HSPA4L: variants seen among roughly 807,000 people sequenced by gnomAD.
The protein encoded by HSPA4L is heat shock protein family A (Hsp70) member 4 like.
A neutral mutation model predicts 100.3 loss-of-function variants in HSPA4L; 48 were observed. That is an observed-to-expected ratio of 0.48 (90% CI 0.38 to 0.61). The LOEUF (loss-of-function observed/expected upper bound fraction) is 0.61, where lower values mean the gene tolerates loss of function less well. HSPA4L is among the 20% of genes least tolerant of loss of function. HSPA4L has a pLI of 0.00. For missense variants in HSPA4L, 886 were observed against 988.6 expected, an observed-to-expected ratio of 0.90 and a Z score of 1.39; for synonymous variants, 319 against 328.2, an observed-to-expected ratio of 0.97 and a Z score of 0.30.
At chr4:127,788,975 A>T (rs1295627979) in intron 1 of HSPA4L, among the ~76,000 whole-genome samples, 3 of 152,210 alleles carry the variant, frequency 2.0e-5, no homozygotes, top group Non-Finnish European at 4.4e-5. Context: ...AAGGAAAAGA[A>T]AAGGGCTGTT....
intron 11 of HSPA4L, among the ~76,000 whole-genome samples, chr4:127,811,178 GC>G (rs1733517750): frequency 1.8e-5 from 2 of 108,652 alleles, no homozygotes; most frequent in South Asian, 8.6e-4. Context: ...AATTCCCAGT[GC>G]TTTTTTTTTT....
intron 14 of HSPA4L, 67 bp from the exon 15 acceptor site, chr4:127,822,702 T>A (rs1275953651): frequency 1.3e-5 from 19 of 1,472,640 alleles, no homozygotes; most frequent in Non-Finnish European, 1.7e-5. Context: ...AGTGGTATCT[T>A]GTGGTTTTGA....
chr4:127,798,684 A>G lies in HSPA4L; in HGVS notation c.404A>G (p.Lys135Arg). 6.2e-7 allele frequency: 1 copy of G among 1,613,692 alleles called. No individual in the cohort carries two copies. Among genetic ancestry groups the G allele is most frequent in the South Asian group, 1.1e-5 (1 of 91,066 alleles). ...GAGACTTCAGAAAATGCTTTGAAGA[A>G]ACCAGTGGCTGACTGTGTGATTTCA... ...LKETSENALK[K>R]PVADCVISIP... Residue 135 changes from lysine (K) to arginine (R), a missense_variant, in exon 4 of 19, where the codon AAA (lysine) becomes AGA (arginine). Physicochemically the swap from Lys to Arg is conservative, Grantham distance 26 (BLOSUM62 2). Transcript: ENST00000296464.
intron 3 of HSPA4L, 79 bp from the exon 4 acceptor site, chr4:127,798,508 A>G: frequency 7.2e-7 from 1 of 1,393,794 alleles, no homozygotes; most frequent in East Asian, 2.3e-5. Context: ...TATGTCTATC[A>G]CATATACAGT....
chr4:127,818,447 G>A (rs1196295123), intron 13 of HSPA4L, 27 bp downstream of exon 13: 14 of 1,394,446 alleles, frequency 1.0e-5, no homozygotes, highest in Non-Finnish European at 1.3e-5. Context: ...CTGTAGTTAT[G>A]TCTTTTTGAA....
intron 17 of HSPA4L, among the ~76,000 whole-genome samples, chr4:127,829,036 A>G (rs1470806930): frequency 6.6e-6 from 1 of 152,178 alleles, no homozygotes; most frequent in Admixed American, 6.6e-5. Context: ...ACTGTAAGTT[A>G]TGTCAGATAG....
Position 127,818,320 on chromosome 4 carries a change from TC to T in HSPA4L, c.1579-4del, listed in dbSNP as rs746802128. On this transcript the variant is annotated splice_polypyrimidine_tract_variant and splice_region_variant and intron_variant, in intron 12 of 18. Coordinates refer to ENST00000296464, the MANE Select transcript of HSPA4L (RefSeq NM_014278.4). ...TATATTATCAATTATGTATTTTCTT[TC>T]TAGGATAAAATGCAGGTTGATCAAG... 6.3e-7 allele frequency: 1 copy of T among 1,593,598 alleles called. No homozygotes were observed. The highest frequency in any genetic ancestry group is 8.6e-7 in the Non-Finnish European group (1 of 1,163,846).
chr4:127,825,836 G>GA (rs537620846), intron 16 of HSPA4L, among the ~76,000 whole-genome samples: 2 of 150,034 alleles, frequency 1.3e-5, no homozygotes, highest in Non-Finnish European at 2.9e-5. Context: ...TGAGGCAGGA[G>GA]AATCGCTTGA....
intron 4 of HSPA4L, 68 bp downstream of exon 4, chr4:127,798,777 G>T (rs1733094375): frequency 1.4e-6 from 2 of 1,460,710 alleles, no homozygotes; most frequent in Non-Finnish European, 1.9e-6. Flanking sequence ...AATATTGAAA[G>T]ATTTTTCTTC....
rs1459657103 is a variant in HSPA4L, at chr4:127,805,063, A to C, written c.986-10A>C. 1 of 1,566,434 alleles carries C rather than the reference A, an allele frequency of 6.4e-7. No homozygotes were observed. Among genetic ancestry groups the C allele is most frequent in the Non-Finnish European group, 8.6e-7 (1 of 1,157,232 alleles). ...GACTATCATTTTTCTCAATTAAAAA[A>C]ATTTTCCAGACTTACAACGTGAAGA... On this transcript the variant is annotated splice_polypyrimidine_tract_variant and intron_variant, in intron 8 of 18. Coordinates refer to ENST00000296464, the MANE Select transcript of HSPA4L (RefSeq NM_014278.4).
intron 1 of HSPA4L, among the ~76,000 whole-genome samples, chr4:127,789,154 T>C (rs1167962732): frequency 1.3e-5 from 2 of 152,202 alleles, no homozygotes; most frequent in Admixed American, 6.5e-5. Context: ...AAGAAAATCC[T>C]AATTTTAAAG....
chr4:127,799,073 G>GA (rs1181360656), intron 4 of HSPA4L, among the ~76,000 whole-genome samples: 1 of 151,548 alleles, frequency 6.6e-6, no homozygotes, highest in Non-Finnish European at 1.5e-5. Context: ...TGTATCAGGG[G>GA]AAAAAAAAGA....
chr4:127,824,947 T>C (rs1203426661), intron 16 of HSPA4L, among the ~76,000 whole-genome samples: 1 of 152,032 alleles, frequency 6.6e-6, no homozygotes. Flanking sequence ...CCATCCTGGC[T>C]AACATGGTGA....
intron 13 of HSPA4L, 84 bp downstream of exon 13, chr4:127,818,504 T>G (rs1428787035): frequency 1.4e-6 from 1 of 707,852 alleles, no homozygotes; most frequent in African/African-American, 1.8e-5. Flanking sequence ...TTAACGCACT[T>G]GATATTTTTG....
At chr4:127,797,282 GAGC>G (rs1160288787) in intron 3 of HSPA4L, among the ~76,000 whole-genome samples, 15 of 152,178 alleles carry the variant, frequency 9.9e-5, no homozygotes, top group African/African-American at 1.4e-4. Context: ...TGGTTACCTA[GAGC>G]AGTTTTATTC....
In HSPA4L at chr4:127,818,287, A is replaced by G. The variant is rs774789661; in HGVS notation, c.1579-38A>G. 9.4e-6 allele frequency: 13 copies of G among 1,386,306 alleles called. No homozygotes were observed. In the East Asian group the frequency reaches 2.8e-4, roughly 29 times the overall value. The allele number at this position is 1,386,306 out of a possible 1,614,324, so 85.9% of individuals were successfully genotyped here. A position where few individuals can be genotyped will look rare whatever the true frequency, so the allele number is the denominator to read the frequency against. ...TTTACATTTTTAAAACAAAAAAAAGACACTGCGTATATTATCAATTATGTA... is the reference window on the plus strand; with the variant it reads ...TTTACATTTTTAAAACAAAAAAAAGGCACTGCGTATATTATCAATTATGTA... On this transcript the variant is annotated intron_variant, in intron 12 of 18. Transcript: ENST00000296464.
In HSPA4L at chr4:127,813,533, A is replaced by G. The variant is rs182122676; in HGVS notation, c.1578+1897A>G. 490 of 207,712 alleles carry G rather than the reference A, an allele frequency of 2.4e-3. 4 individuals are homozygous for G. Among genetic ancestry groups the G allele is most frequent in the African/African-American group, 0.011 (472 of 42,582 alleles). 12.9% of individuals were successfully genotyped at this position (207,712 alleles called of 1,614,324 possible). ...GTGAAAAGTTAATATTTTAAATTAT[A>G]ATCCACAATAACTAAGATATGTAAA... is the stretch of plus-strand genomic sequence containing the variant. On this transcript the variant is annotated intron_variant, in intron 12 of 18. Coordinates refer to ENST00000296464, the MANE Select transcript of HSPA4L (RefSeq NM_014278.4).
At chr4:127,820,229 T>C (rs1335818180) in intron 13 of HSPA4L, among the ~76,000 whole-genome samples, 199 bp from the exon 14 acceptor site, 3 of 152,108 alleles carry the variant, frequency 2.0e-5, no homozygotes, top group Non-Finnish European at 4.4e-5. Flanking sequence ...TTACTTTTGC[T>C]TTTCATTTCC....
In HSPA4L at chr4:127,811,497, T is replaced by TAA; in HGVS notation, c.1439_1440insAA (p.Lys481IlefsTer18). 6.2e-7 allele frequency: 1 copy of TAA among 1,614,046 alleles called. No individual in the cohort carries two copies. Among genetic ancestry groups the TAA allele is most frequent in the South Asian group, 1.1e-5 (1 of 91,068 alleles). On this transcript the variant is annotated frameshift_variant, in exon 12 of 19. Coordinates refer to ENST00000296464, the MANE Select transcript of HSPA4L (RefSeq NM_014278.4). LOFTEE classifies it high-confidence loss of function. ...GATGGTGATAGTTCCAAAGTGAAGG[T>TAA]TAAAGTTCGTGTTAACATCCATGGA...
Sources: gnomAD v4.1 joint callset for allele counts (sites outside exome capture counted in the v4.1 genomes callset) on GRCh38, gnomAD v4.1.1 for gene constraint, MANE v1.5 for transcripts, NCBI Gene and HGNC (gene_info 2026-07-23, HGNC 2026-07-21) for gene names.